Variants in USP34 observed in about 807,000 individuals in gnomAD.
USP34 encodes ubiquitin specific peptidase 34.
Under a neutral mutation model 460.3 loss-of-function variants are expected in USP34, and 70 were observed. The observed-to-expected ratio is 0.15, with a 90% CI of 0.13 to 0.19. USP34 has a LOEUF of 0.19. USP34 is among the 10% of genes least tolerant of loss of function. The pLI is 1.00. For missense variants in USP34, 3,985 were observed against 4,236.2 expected (o/e 0.94, Z 1.65); for synonymous variants, 1,647 against 1,405.3 (o/e 1.17, Z -3.85).
intron 41 of USP34, among the ~76,000 whole-genome samples, chr2:61,267,531 T>C (rs1347623088): frequency 1.3e-5 from 2 of 151,652 alleles, no homozygotes; most frequent in Non-Finnish European, 2.9e-5. Context: ...CAACCACCGC[T>C]GCCCAGGTTC....
chr2:61,468,254 C>T (rs571062941), intron 1 of USP34, among the ~76,000 whole-genome samples: 3 of 152,346 alleles, frequency 2.0e-5, no homozygotes, highest in East Asian at 1.9e-4. Context: ...GGCACAATCT[C>T]GGCTCACTGC....
intron 30 of USP34, among the ~76,000 whole-genome samples, 158 bp downstream of exon 30, chr2:61,296,642 A>C (rs1690039738): frequency 6.6e-6 from 1 of 152,220 alleles, no homozygotes; most frequent in South Asian, 2.1e-4. Context: ...AAATAAACAA[A>C]TGAACATTAA....
At chr2:61,270,148 A>G (rs150446746) in intron 41 of USP34, among the ~76,000 whole-genome samples, 2 of 152,198 alleles carry the variant, frequency 1.3e-5, no homozygotes, top group Non-Finnish European at 2.9e-5. Context: ...CCTAACCACC[A>G]ATGTGATGGT....
chr2:61,284,882 C>T lies in USP34; in HGVS notation c.4825G>A (p.Ala1609Thr). The T allele has an allele frequency of 2.5e-6, 4 of 1,607,702 alleles. No individual in the cohort carries two copies. The highest frequency in any genetic ancestry group is 1.1e-5 in the South Asian group (1 of 89,972). ...ATATCTTAAAATGCATACCTAGGAG[C>T]CAGATTATCATACGTATAAGCAACA... The part of the protein sequence containing the change: ...MSVAYTYDNL[A>T]PRVLKAQSDH... The change falls in exon 35 of 80, where the codon GCT (alanine) becomes ACT (threonine). Residue 1609 changes from alanine to threonine, a missense_variant. Coordinates refer to ENST00000398571, the MANE Select transcript of USP34 (RefSeq NM_014709.4).
At chr2:61,386,534 T>C (rs1210290490) in intron 5 of USP34, among the ~76,000 whole-genome samples, 1 of 152,134 alleles carries the variant, frequency 6.6e-6, no homozygotes, top group Non-Finnish European at 1.5e-5. Flanking sequence ...CTCACACCTG[T>C]AATCCCAGCA....
Position 61,333,984 on chromosome 2 carries a change from A to C in USP34, c.2745-13T>G. On this transcript the variant is annotated splice_polypyrimidine_tract_variant and intron_variant, in intron 18 of 79. Transcript: ENST00000398571. The stretch of plus-strand genomic sequence containing the variant: ...AATTACTACTGATCTGAAACAGCAG[A>C]AACATTCACAAAATAATTTTAGTAA... The C allele has an allele frequency of 3.9e-6, 6 of 1,519,514 alleles. No individual in the cohort carries two copies. Among genetic ancestry groups the C allele is most frequent in the Non-Finnish European group, 5.3e-6 (6 of 1,127,400 alleles). The allele number at this position is 1,519,514 out of a possible 1,614,324, so 94.1% of individuals were successfully genotyped here. A position where few individuals can be genotyped will look rare whatever the true frequency, so the allele number is the denominator to read the frequency against.
intron 69 of USP34, among the ~76,000 whole-genome samples, chr2:61,210,348 T>C (rs994002104): frequency 1.3e-5 from 2 of 152,354 alleles, no homozygotes; most frequent in East Asian, 3.9e-4. Flanking sequence ...TAAATACGTT[T>C]AGATACACAA....
intron 51 of USP34, 150 bp from the exon 52 acceptor site, chr2:61,241,969 C>T (rs371402334): frequency 3.2e-5 from 15 of 466,066 alleles, no homozygotes; most frequent in African/African-American, 1.4e-4. Context: ...AAAAATTCTA[C>T]GTACTTCACA....
intron 20 of USP34, among the ~76,000 whole-genome samples, chr2:61,325,737 C>A (rs1442797216): frequency 6.6e-6 from 1 of 152,036 alleles, no homozygotes; most frequent in Non-Finnish European, 1.5e-5. Context: ...GGAAGTATGT[C>A]ATTTTAAAAG....
intron 50 of USP34, 59 bp downstream of exon 50, chr2:61,246,265 A>C: frequency 7.5e-7 from 1 of 1,338,276 alleles, no homozygotes; most frequent in Non-Finnish European, 9.8e-7. Flanking sequence ...TAAACACTGA[A>C]AACATATCAG....
rs1690840912 is a variant in USP34 at position 61,319,232 on chromosome 2, G to C, written c.3109C>G (p.Arg1037Gly). 6.3e-7 allele frequency: 1 copy of C among 1,592,014 alleles called. No homozygotes were observed. The highest frequency in any genetic ancestry group is 1.8e-5 in the Admixed American group (1 of 54,488). The change falls in exon 22 of 80, where the codon CGA becomes GGA. Residue 1037 changes from arginine (R) to glycine (G), a missense_variant. By Grantham distance (125) the Arg-to-Gly change is moderately radical. Around this residue, in one of 14 missense-constraint regions of USP34, gnomAD observed 1,114 missense variants for 1,122.5 expected, o/e 0.99. Coordinates refer to ENST00000398571, the MANE Select transcript of USP34 (RefSeq NM_014709.4). Reference protein sequence around the residue: ...DALHWFLNQVRSKDQHAMGME... With the variant: ...DALHWFLNQVGSKDQHAMGME... ...CCCATAGCATGTTGATCTTTACTTC[G>C]AACTTGATTTAAAAACCAATGGAGT...
Position 61,240,865 on chromosome 2 carries a change from C to T in USP34, c.6777+695G>A, listed in dbSNP as rs1451258782. Among the ~76,000 whole-genome samples the T allele has an allele frequency of 7.9e-5, 12 of 152,148 alleles. No individual in the cohort carries two copies. In the East Asian group the frequency reaches 9.6e-4, roughly 12 times the overall value. Reference sequence around the variant, plus strand: ...CTGGGATTATAGGCATGAGCCACTGCGCCTGGGTGTAAAATACATTTTAAT... The same window carrying T: ...CTGGGATTATAGGCATGAGCCACTGTGCCTGGGTGTAAAATACATTTTAAT... On this transcript the variant is annotated intron_variant, in intron 53 of 79. Transcript: ENST00000398571.
chr2:61,459,231 G>A (rs758469879), intron 1 of USP34, among the ~76,000 whole-genome samples: 2 of 152,098 alleles, frequency 1.3e-5, no homozygotes, highest in Admixed American at 1.3e-4. Context: ...GAAAAGTACA[G>A]AGAAGAAATA....
rs1686469392 is a variant in USP34, at chr2:61,187,613, G to T, written c.*489C>A. The T allele has an allele frequency of 1.3e-6, 1 of 781,726 alleles. No individual in the cohort carries two copies. Among genetic ancestry groups the T allele is most frequent in the Non-Finnish European group, 1.6e-6 (1 of 643,698 alleles). The allele number at this position is 781,726 out of a possible 1,614,324, so 48.4% of individuals were successfully genotyped here. A position where few individuals can be genotyped will look rare whatever the true frequency, so the allele number is the denominator to read the frequency against. On this transcript the variant is annotated 3_prime_UTR_variant, in exon 80 of 80. Transcript: ENST00000398571. ...TTAAATAAAGCACCATTTATATACT[G>T]CCAGGCCACAGCTAAAGAGGATTCT...
chr2:61,212,008 T>C, intron 68 of USP34, 79 bp from the exon 69 acceptor site: 1 of 1,394,386 alleles, frequency 7.2e-7, no homozygotes, highest in South Asian at 1.4e-5. Context: ...CTACGTTCAT[T>C]AATCAACTCT....
intron 27 of USP34, among the ~76,000 whole-genome samples, chr2:61,303,358 G>T (rs1233858970): frequency 6.6e-6 from 1 of 151,396 alleles, no homozygotes; most frequent in Admixed American, 6.6e-5. Context: ...GAGCCACCAC[G>T]GCCCAGCCAG....
At chr2:61,260,423 T>A (rs60225097) in intron 43 of USP34, among the ~76,000 whole-genome samples, 158 of 152,320 alleles carry the variant, frequency 1.0e-3, no homozygotes, top group African/African-American at 3.7e-3. Flanking sequence ...AAAGTAGGTA[T>A]TATTCTTATT....
chr2:61,378,784 A>T (rs1482782658), intron 7 of USP34, among the ~76,000 whole-genome samples: 2 of 151,774 alleles, frequency 1.3e-5, no homozygotes, highest in South Asian at 2.1e-4. Flanking sequence ...CATGCGCCTA[A>T]AACGCGAGCT....
At chr2:61,303,635 C>T (rs1406672143) in intron 27 of USP34, among the ~76,000 whole-genome samples, 2 of 151,498 alleles carry the variant, frequency 1.3e-5, no homozygotes, top group African/African-American at 4.9e-5. Context: ...CTCGCTCTGT[C>T]GCCCACGCTG....
Sources: gnomAD v4.1 joint callset for allele counts (sites outside exome capture counted in the v4.1 genomes callset) on GRCh38, gnomAD v4.1.1 for gene constraint, gnomAD v4.1.1 regional missense constraint, MANE v1.5 for transcripts, NCBI Gene and HGNC (gene_info 2026-07-23, HGNC 2026-07-21) for gene names.